PCNX1: variants seen among roughly 807,000 people sequenced by gnomAD.
PCNX1 encodes the protein pecanex 1, also known as pecanex-like protein 1.
In PCNX1, 78 loss-of-function variants were observed where a neutral mutation model predicts 242.2. The observed-to-expected ratio is 0.32, with a 90% CI of 0.27 to 0.39. PCNX1 has a LOEUF of 0.39. PCNX1 is among the 10% of genes least tolerant of loss of function. PCNX1 has a pLI of 1.00. For missense variants in PCNX1, 2,581 were observed against 2,856.5 expected, an observed-to-expected ratio of 0.90 and a Z score of 2.20; for synonymous variants, 1,024 against 1,032.9, an observed-to-expected ratio of 0.99 and a Z score of 0.17.
intron 13 of PCNX1, among the ~76,000 whole-genome samples, chr14:71,024,981 C>T (rs2060202075): frequency 6.6e-6 from 1 of 152,192 alleles, no homozygotes; most frequent in East Asian, 1.9e-4. Context: ...TAGAGAGATA[C>T]CCTGAGATTG....
Position 71,089,318 on chromosome 14 carries a change from C to T in PCNX1, c.5565C>T (p.Ile1855=). 6.2e-7 allele frequency: 1 copy of T among 1,612,288 alleles called. No homozygotes were observed. Among genetic ancestry groups the T allele is most frequent in the South Asian group, 1.1e-5 (1 of 90,954 alleles). The change falls in exon 30 of 36, where the codon ATC becomes ATT. Residue 1855 remains isoleucine (I), a synonymous_variant. Transcript: ENST00000304743. ...ELLRKVVVPG[I]RMSIKLHQDH... Reference sequence around the variant, plus strand: ...TAAGAAAAGTAGTAGTCCCTGGGATCCGTATGTCCATTAAACTTCATCAGG... The same window carrying T: ...TAAGAAAAGTAGTAGTCCCTGGGATTCGTATGTCCATTAAACTTCATCAGG...
intron 26 of PCNX1, among the ~76,000 whole-genome samples, chr14:71,063,416 A>T (rs1426928923): frequency 6.6e-6 from 1 of 152,238 alleles, no homozygotes; most frequent in East Asian, 1.9e-4. Flanking sequence ...TTATGTACCC[A>T]GTACCTATCA....
At chr14:70,911,618 G>T (rs2055912555) in intron 1 of PCNX1, among the ~76,000 whole-genome samples, 1 of 152,108 alleles carries the variant, frequency 6.6e-6, no homozygotes, top group Non-Finnish European at 1.5e-5. Flanking sequence ...TGGAATTAGT[G>T]TCTTGATTTT....
intron 3 of PCNX1, among the ~76,000 whole-genome samples, chr14:70,964,304 T>C (rs2058312614): frequency 1.3e-5 from 2 of 152,140 alleles, no homozygotes; most frequent in Admixed American, 6.5e-5. Flanking sequence ...TGACCTCAGG[T>C]GGTCTGCCCA....
At chr14:71,065,885 G>GT (rs1181664745) in intron 26 of PCNX1, among the ~76,000 whole-genome samples, 15 of 152,080 alleles carry the variant, frequency 9.9e-5, no homozygotes, top group Admixed American at 9.2e-4. Flanking sequence ...TTTCCCCATT[G>GT]CTTGTTTTTG....
At chr14:71,091,120 T>C (rs926574528) in intron 30 of PCNX1, among the ~76,000 whole-genome samples, 1 of 152,148 alleles carries the variant, frequency 6.6e-6, no homozygotes, top group East Asian at 1.9e-4. Flanking sequence ...AAGTGGAGAA[T>C]GTAATGCAAC....
intron 7 of PCNX1, among the ~76,000 whole-genome samples, chr14:70,994,510 A>T (rs1431192322): frequency 6.7e-6 from 1 of 149,470 alleles, no homozygotes; most frequent in Non-Finnish European, 1.5e-5. Flanking sequence ...TGTACTAGAG[A>T]AACAATTACA....
chr14:70,983,554 C>T (rs1215035093), intron 6 of PCNX1, among the ~76,000 whole-genome samples: 2 of 152,116 alleles, frequency 1.3e-5, no homozygotes, highest in East Asian at 1.9e-4. Flanking sequence ...CCGCCCACCT[C>T]GGCCTCCCAA....
At chr14:70,910,271 A>T (rs1432277558) in intron 1 of PCNX1, among the ~76,000 whole-genome samples, 2 of 106,162 alleles carry the variant, frequency 1.9e-5, no homozygotes, top group Non-Finnish European at 2.0e-5. Flanking sequence ...GGCCATCATC[A>T]TTCCCTTGGT....
At chr14:70,938,209 A>G (rs186267929) in intron 1 of PCNX1, among the ~76,000 whole-genome samples, 288 of 152,224 alleles carry the variant, frequency 1.9e-3, no homozygotes, top group African/African-American at 6.6e-3. Flanking sequence ...GTCTTGTGCC[A>G]GTTTTCAAAG....
intron 28 of PCNX1, among the ~76,000 whole-genome samples, chr14:71,082,039 G>C (rs181846231): frequency 6.6e-6 from 1 of 152,310 alleles, no homozygotes; most frequent in Non-Finnish European, 1.5e-5. Flanking sequence ...CTGTGTCTCA[G>C]AGATTCTGGT....
intron 27 of PCNX1, 23 bp downstream of exon 27, chr14:71,073,821 A>T (rs926383423): frequency 6.6e-7 from 1 of 1,522,820 alleles, no homozygotes; most frequent in Non-Finnish European, 8.8e-7. Context: ...GCCTACTTAG[A>T]TCTTTAGATA....
intron 19 of PCNX1, among the ~76,000 whole-genome samples, chr14:71,042,293 A>G (rs900350328): frequency 2.6e-5 from 4 of 152,148 alleles, no homozygotes; most frequent in East Asian, 1.9e-4. Flanking sequence ...CTATTACTCT[A>G]TTGGGGTCTA....
At chr14:71,092,670 A>G (rs2062167169) in intron 30 of PCNX1, 2 of 152,346 alleles carry the variant, frequency 1.3e-5, no homozygotes, top group African/African-American at 4.8e-5. Context: ...TTAGTAAGGA[A>G]GAGCACCAAG....
chr14:71,045,236 CT>C lies in PCNX1; in HGVS notation c.3972del (p.His1325IlefsTer4). 1 of 1,613,228 alleles carries C rather than the reference CT, an allele frequency of 6.2e-7. No individual in the cohort carries two copies. Among genetic ancestry groups the C allele is most frequent in the Non-Finnish European group, 8.5e-7 (1 of 1,179,312 alleles). On this transcript the variant is annotated frameshift_variant, in exon 20 of 36. Coordinates refer to ENST00000304743, the MANE Select transcript of PCNX1 (RefSeq NM_014982.3). LOFTEE classifies it high-confidence loss of function. ...VRKQLPWHCFSHPLLKTLEYN... is the reference protein window; with the variant it reads ...VRKQLPWHCFXHPLLKTLEYN... ...AAACAGCTACCATGGCACTGTTTCT[CT>C]CATCCTCTGCTAAAGACACTAGAGT...
chr14:70,929,345 C>T (rs114524001), intron 1 of PCNX1, among the ~76,000 whole-genome samples: 115 of 152,044 alleles, frequency 7.6e-4, no homozygotes, highest in African/African-American at 2.6e-3. Context: ...GCCCCCTGAC[C>T]CAAAAGTATC....
intron 16 of PCNX1, among the ~76,000 whole-genome samples, chr14:71,032,567 T>G (rs529637481): frequency 1.3e-5 from 2 of 152,208 alleles, no homozygotes; most frequent in Non-Finnish European, 2.9e-5. Flanking sequence ...AAAATGTCTG[T>G]GTTATGATGT....
At chr14:71,029,999 G>A (rs1281307580) in intron 16 of PCNX1, among the ~76,000 whole-genome samples, 1 of 152,188 alleles carries the variant, frequency 6.6e-6, no homozygotes, top group African/African-American at 2.4e-5. Flanking sequence ...AAGTCTTTTT[G>A]TGGACATGTG....
intron 30 of PCNX1, among the ~76,000 whole-genome samples, chr14:71,091,026 C>T (rs1474318588): frequency 6.6e-6 from 1 of 152,114 alleles, no homozygotes. Flanking sequence ...CCATCATTAG[C>T]CTGGACTGAC....
Sources: allele counts gnomAD v4.1 joint callset (sites outside exome capture counted in the v4.1 genomes callset), GRCh38; gene constraint gnomAD v4.1.1; transcripts MANE v1.5; gene names NCBI Gene and HGNC (gene_info 2026-07-23, HGNC 2026-07-21).